SGIP1: variants seen among roughly 807,000 people sequenced by gnomAD.
SGIP1 encodes the protein SH3GL interacting endocytic adaptor 1.
In SGIP1, 38 loss-of-function variants were observed where a neutral mutation model predicts 107.5. That is an observed-to-expected ratio of 0.35 (90% confidence interval 0.27 to 0.46). The LOEUF (loss-of-function observed/expected upper bound fraction) is 0.46. Among genes scored for constraint, SGIP1 ranks in the 20% least tolerant of loss-of-function variants. The pLI is 1.00. For synonymous variants in SGIP1, 365 were observed against 366.1 expected (o/e 1.00, Z 0.03); for missense variants, 929 against 1,019.5 (o/e 0.91, Z 1.21).
At chr1:66,574,281 G>C (rs1272889168) in intron 1 of SGIP1, among the ~76,000 whole-genome samples, 2 of 152,044 alleles carry the variant, frequency 1.3e-5, no homozygotes, top group Non-Finnish European at 2.9e-5. Flanking sequence ...CCACTGTGTT[G>C]TGTGGCACAC....
rs113746131 is a variant in SGIP1 at position 66,743,239 on chromosome 1, A to T, written c.*144A>T. On this transcript the variant is annotated 3_prime_UTR_variant, in exon 25 of 25. Transcript: ENST00000371037. ...GGAAAGTCAATGACTTTCATCTGTGATTTCCCTCACACACTACCATGATGA... is the reference window on the plus strand; with the variant it reads ...GGAAAGTCAATGACTTTCATCTGTGTTTTCCCTCACACACTACCATGATGA... 364 of 727,510 alleles carry T rather than the reference A, an allele frequency of 5.0e-4. 3 individuals carry two copies. The African/African-American group carries it at 5.3e-3, about 11-fold the overall frequency. The allele number at this position is 727,510 out of a possible 1,614,324, so 45.1% of individuals were successfully genotyped here.
At chr1:66,689,000 A>G (rs2150084263) in intron 15 of SGIP1, 148 bp from the exon 16 acceptor site, 1 of 830,836 alleles carries the variant, frequency 1.2e-6, no homozygotes, top group East Asian at 3.0e-5. Context: ...AAGAAAAAAA[A>G]GAGAAAAAAG....
At chr1:66,660,614 A>G in intron 8 of SGIP1, 90 bp downstream of exon 8, 1 of 1,195,320 alleles carries the variant, frequency 8.4e-7, no homozygotes, top group Non-Finnish European at 1.2e-6. Flanking sequence ...GACTGTGTTT[A>G]ACACCTAAAC....
At chr1:66,547,826 G>T (rs777371238) in intron 1 of SGIP1, among the ~76,000 whole-genome samples, 1 of 152,092 alleles carries the variant, frequency 6.6e-6, no homozygotes, top group Non-Finnish European at 1.5e-5. Flanking sequence ...GAGGGGTGGC[G>T]GTGAAGGCTA....
chr1:66,553,770 G>T (rs2057779772), intron 1 of SGIP1, among the ~76,000 whole-genome samples: 1 of 151,788 alleles, frequency 6.6e-6, no homozygotes, highest in South Asian at 2.1e-4. Context: ...TCCTAGTGCT[G>T]CTCCCTTCAC....
intron 1 of SGIP1, among the ~76,000 whole-genome samples, chr1:66,580,168 C>A (rs1428821022): frequency 2.0e-5 from 3 of 152,074 alleles, no homozygotes; most frequent in Non-Finnish European, 4.4e-5. Context: ...TTTCAATATA[C>A]TTGAATGGCT....
intron 1 of SGIP1, among the ~76,000 whole-genome samples, chr1:66,613,869 A>G (rs1440169538): frequency 6.6e-6 from 1 of 152,228 alleles, no homozygotes; most frequent in Non-Finnish European, 1.5e-5. Flanking sequence ...CTCTAGTTAG[A>G]AAAGTCTCTG....
At chr1:66,673,391 A>T in intron 12 of SGIP1, 25 bp downstream of exon 12, 6 of 1,559,830 alleles carry the variant, frequency 3.8e-6, no homozygotes, top group Non-Finnish European at 3.4e-6. Flanking sequence ...TCCATATATT[A>T]TAGATTTGTT....
At chr1:66,608,810 C>T (rs2067345639) in intron 1 of SGIP1, among the ~76,000 whole-genome samples, 1 of 152,170 alleles carries the variant, frequency 6.6e-6, no homozygotes, top group Non-Finnish European at 1.5e-5. Flanking sequence ...GTTGTATGGA[C>T]TCGCCATGCC....
intron 1 of SGIP1, among the ~76,000 whole-genome samples, chr1:66,597,510 A>G (rs531124018): frequency 1.3e-5 from 2 of 152,330 alleles, no homozygotes; most frequent in South Asian, 2.1e-4. Context: ...GCAGTACTAT[A>G]TATTTTCAGC....
intron 1 of SGIP1, among the ~76,000 whole-genome samples, chr1:66,621,214 T>A (rs143941249): frequency 6.6e-6 from 1 of 152,320 alleles, no homozygotes; most frequent in African/African-American, 2.4e-5. Context: ...ACTTTCTTGA[T>A]TCTGAAGGTC....
At chr1:66,628,881 C>T (rs1231123525) in intron 2 of SGIP1, among the ~76,000 whole-genome samples, 2 of 152,096 alleles carry the variant, frequency 1.3e-5, no homozygotes, top group South Asian at 2.1e-4. Context: ...AAATTACTTA[C>T]GTGATAGCAA....
intron 24 of SGIP1, among the ~76,000 whole-genome samples, chr1:66,742,112 C>G (rs1433652639): frequency 1.3e-5 from 2 of 152,164 alleles, no homozygotes; most frequent in Non-Finnish European, 2.9e-5. Flanking sequence ...TGTTCTCTGA[C>G]AGGACTTCAC....
At chr1:66,698,379 CTTT>C (rs397739553) in intron 18 of SGIP1, among the ~76,000 whole-genome samples, 2 of 137,292 alleles carry the variant, frequency 1.5e-5, no homozygotes, top group African/African-American at 2.7e-5. Context: ...ATGGTGATGA[CTTT>C]TTTTTTTTTT....
intron 4 of SGIP1, among the ~76,000 whole-genome samples, chr1:66,638,086 C>G (rs550531282): frequency 7.9e-5 from 12 of 152,044 alleles, no homozygotes; most frequent in African/African-American, 2.9e-4. Context: ...TCCTTTTGAT[C>G]TCCTATCAAT....
chr1:66,692,160 C>CAA (rs10677616), intron 17 of SGIP1, among the ~76,000 whole-genome samples: 37,748 of 136,062 alleles, frequency 0.28, 5,451 homozygotes, highest in South Asian at 0.33. Context: ...GACTCCATCT[C>CAA]AAAAAAAAAA....
chr1:66,608,440 T>C (rs557235986), intron 1 of SGIP1, among the ~76,000 whole-genome samples: 30 of 152,236 alleles, frequency 2.0e-4, no homozygotes, highest in Non-Finnish European at 2.8e-4. Flanking sequence ...ATTTGACCTA[T>C]ATTTTGATGA....
chr1:66,743,299 T>TG lies in SGIP1; in HGVS notation c.*205dup. ...CAGTATTTACTTCTAGGTGTAATAT[T>TG]GTTAATGGTTTTAAAATGTAATTAT... On this transcript the variant is annotated 3_prime_UTR_variant, in exon 25 of 25. Transcript: ENST00000371037. The TG allele has an allele frequency of 2.2e-6, 1 of 454,866 alleles. No homozygotes were observed. Among genetic ancestry groups the TG allele is most frequent in the South Asian group, 3.2e-5 (1 of 30,988 alleles). 28.2% of individuals were successfully genotyped at this position (454,866 alleles called of 1,614,324 possible).
chr1:66,667,354 C>T (rs1329458065), intron 8 of SGIP1, among the ~76,000 whole-genome samples, 176 bp from the exon 9 acceptor site: 1 of 152,226 alleles, frequency 6.6e-6, no homozygotes, highest in Non-Finnish European at 1.5e-5. Flanking sequence ...TTCTCCAAAG[C>T]CTCCTATGGT....
Sources: allele counts gnomAD v4.1 joint callset (sites outside exome capture counted in the v4.1 genomes callset), GRCh38; gene constraint gnomAD v4.1.1; transcripts MANE v1.5; gene names NCBI Gene and HGNC (gene_info 2026-07-23, HGNC 2026-07-21).